Variants in TMEM108 observed in about 807,000 individuals in gnomAD.
TMEM108 encodes transmembrane protein 108.
Under a neutral mutation model 35.1 loss-of-function variants are expected in TMEM108, and 12 were observed. The ratio of observed to expected loss-of-function variants is 0.34; its 90% CI spans 0.22 to 0.55. The LOEUF (loss-of-function observed/expected upper bound fraction) is 0.55, where lower values mean the gene tolerates loss of function less well. TMEM108 is among the 20% of genes least tolerant of loss of function. The pLI is 0.89. For missense variants in TMEM108, 680 were observed against 753.3 expected, an observed-to-expected ratio of 0.90 and a Z score of 1.14; for synonymous variants, 287 against 308.6, an observed-to-expected ratio of 0.93 and a Z score of 0.73.
intron 3 of TMEM108, among the ~76,000 whole-genome samples, chr3:133,372,001 C>G (rs1012922876): frequency 6.6e-6 from 1 of 152,116 alleles, no homozygotes; most frequent in African/African-American, 2.4e-5. Context: ...GGATTCCTAA[C>G]AACAGTTTCA....
At chr3:133,194,125 C>T (rs557611647) in intron 2 of TMEM108, among the ~76,000 whole-genome samples, 170 of 151,934 alleles carry the variant, frequency 1.1e-3, no homozygotes, top group African/African-American at 3.9e-3. Context: ...TTAGTAGAGA[C>T]GGGGTTTCAC....
chr3:133,173,795 T>C (rs1945166692), intron 2 of TMEM108, among the ~76,000 whole-genome samples: 1 of 152,142 alleles, frequency 6.6e-6, no homozygotes. Flanking sequence ...TTTCTGCATA[T>C]CCAACTGAGG....
intron 3 of TMEM108, among the ~76,000 whole-genome samples, chr3:133,334,209 C>T (rs907592707): frequency 1.3e-5 from 2 of 152,048 alleles, no homozygotes; most frequent in African/African-American, 4.8e-5. Context: ...ATTAATTTGA[C>T]GAATATTCCT....
chr3:133,151,103 T>A (rs1380388238), intron 2 of TMEM108, among the ~76,000 whole-genome samples: 1 of 152,176 alleles, frequency 6.6e-6, no homozygotes, highest in African/African-American at 2.4e-5. Context: ...CACCATTTTT[T>A]CCAGGATATC....
chr3:133,283,757 GA>G (rs1191156045), intron 3 of TMEM108, among the ~76,000 whole-genome samples: 1 of 152,168 alleles, frequency 6.6e-6, no homozygotes, highest in Non-Finnish European at 1.5e-5. Flanking sequence ...TAGCGCATGC[GA>G]ACTTTGAAAT....
chr3:133,359,418 A>C (rs1024281584), intron 3 of TMEM108, among the ~76,000 whole-genome samples: 5 of 152,158 alleles, frequency 3.3e-5, no homozygotes, highest in African/African-American at 1.2e-4. Context: ...CTGAGAACAC[A>C]CTTTGGGAAA....
At chr3:133,228,743 G>A (rs748630046) in intron 2 of TMEM108, among the ~76,000 whole-genome samples, 1 of 152,038 alleles carries the variant, frequency 6.6e-6, no homozygotes, top group African/African-American at 2.4e-5. Flanking sequence ...ATATTTTCTT[G>A]TTTATTTTTA....
intron 3 of TMEM108, among the ~76,000 whole-genome samples, chr3:133,266,916 CAA>C (rs11389496): frequency 0.018 from 2,127 of 121,316 alleles, 69 homozygotes; most frequent in African/African-American, 0.062. Flanking sequence ...ACTAAAAATC[CAA>C]AAAAAAAAAA....
chr3:133,201,310 A>T (rs970005765), intron 2 of TMEM108, among the ~76,000 whole-genome samples: 2 of 151,724 alleles, frequency 1.3e-5, no homozygotes, highest in South Asian at 2.1e-4. Context: ...AAAAAAAAAA[A>T]TTTATACTTT....
chr3:133,044,127 G>A (rs114829028), intron 1 of TMEM108, among the ~76,000 whole-genome samples: 3,823 of 152,240 alleles, frequency 0.025, 80 homozygotes, highest in South Asian at 0.061. Context: ...TATTGCTTTA[G>A]TAGAAGAATA....
At chr3:133,330,599 G>T (rs73207717) in intron 3 of TMEM108, among the ~76,000 whole-genome samples, 8,096 of 152,184 alleles carry the variant, frequency 0.053, 250 homozygotes, top group South Asian at 0.077. Flanking sequence ...CTTTTTGTTG[G>T]TGGTGGTGGT....
chr3:133,063,765 C>T (rs1224165141), intron 2 of TMEM108, among the ~76,000 whole-genome samples: 2 of 152,048 alleles, frequency 1.3e-5, no homozygotes, highest in Admixed American at 6.6e-5. Context: ...TTGGGTCTCC[C>T]GCTGGACTCC....
chr3:133,326,698 A>G (rs1453753245), intron 3 of TMEM108, among the ~76,000 whole-genome samples: 1 of 152,176 alleles, frequency 6.6e-6, no homozygotes, highest in East Asian at 1.9e-4. Flanking sequence ...AAAGGAAGGA[A>G]CCGTACTTTG....
chr3:133,363,600 T>G (rs1463781074), intron 3 of TMEM108, among the ~76,000 whole-genome samples: 2 of 151,946 alleles, frequency 1.3e-5, no homozygotes, highest in Non-Finnish European at 2.9e-5. Context: ...GAGACAGGGT[T>G]TTGCTATGTT....
At chr3:133,335,095 A>G (rs2071466982) in intron 3 of TMEM108, among the ~76,000 whole-genome samples, 2 of 152,188 alleles carry the variant, frequency 1.3e-5, no homozygotes, top group African/African-American at 4.8e-5. Context: ...GAAATAAGGA[A>G]GCATCAAAAT....
At chr3:133,384,465 C>A (rs1210726670) in intron 4 of TMEM108, among the ~76,000 whole-genome samples, 1 of 152,228 alleles carries the variant, frequency 6.6e-6, no homozygotes, top group East Asian at 1.9e-4. Flanking sequence ...TTGCAAGCCA[C>A]AACCAGTGCC....
At chr3:133,238,481 A>G (rs1296745234) in intron 3 of TMEM108, among the ~76,000 whole-genome samples, 1 of 152,252 alleles carries the variant, frequency 6.6e-6, no homozygotes, top group Admixed American at 6.5e-5. Context: ...TGGAAACACA[A>G]GTATAGATAA....
At chr3:133,200,384 C>A (rs540723703) in intron 2 of TMEM108, among the ~76,000 whole-genome samples, 1 of 152,146 alleles carries the variant, frequency 6.6e-6, no homozygotes, top group African/African-American at 2.4e-5. Context: ...AACCAGAAAG[C>A]GAGCTCAGCC....
intron 2 of TMEM108, among the ~76,000 whole-genome samples, chr3:133,078,066 G>A (rs1943763139): frequency 6.6e-6 from 1 of 152,002 alleles, no homozygotes; most frequent in Admixed American, 6.6e-5. Context: ...CAAAGTGGAT[G>A]GAGGGATGGC....
Sources: allele counts gnomAD v4.1 joint callset (sites outside exome capture counted in the v4.1 genomes callset), GRCh38; gene constraint gnomAD v4.1.1; transcripts MANE v1.5; gene names NCBI Gene and HGNC (gene_info 2026-07-23, HGNC 2026-07-21).